IL23R: variants seen among roughly 807,000 people sequenced by gnomAD.
IL23R encodes the protein interleukin 23 receptor, also known as interleukin-23 receptor.
Under a neutral mutation model 56.9 loss-of-function variants are expected in IL23R, and 34 were observed. The observed-to-expected ratio is 0.60, with a 90% CI of 0.45 to 0.80. IL23R has a LOEUF of 0.80. IL23R is among the 30% of genes least tolerant of loss of function. The probability of loss-of-function intolerance (pLI) is 0.00; values close to 1 mark genes in which losing one functional copy is unlikely to be tolerated. For missense variants in IL23R, 635 were observed against 730.0 expected (o/e 0.87, Z 1.50); for synonymous variants, 230 against 249.2 (o/e 0.92, Z 0.73).
At chr1:67,173,485 C>T (rs1005050416) in intron 3 of IL23R, among the ~76,000 whole-genome samples, 18 of 152,258 alleles carry the variant, frequency 1.2e-4, no homozygotes, top group African/African-American at 3.8e-4. Flanking sequence ...GGGACCACAA[C>T]TCAAACTCCA....
At chr1:67,237,395 C>G (rs1651553722) in intron 8 of IL23R, among the ~76,000 whole-genome samples, 1 of 152,178 alleles carries the variant, frequency 6.6e-6, no homozygotes. Context: ...TCTTTCAAAA[C>G]AAATTACTTA....
At chr1:67,239,295 G>C (rs1371342329) in intron 8 of IL23R, among the ~76,000 whole-genome samples, 1 of 152,120 alleles carries the variant, frequency 6.6e-6, no homozygotes, top group Non-Finnish European at 1.5e-5. Context: ...ACACAGTCTG[G>C]CTCTGTCGCC....
intron 3 of IL23R, among the ~76,000 whole-genome samples, chr1:67,180,989 G>A (rs1370135750): frequency 2.6e-5 from 4 of 152,168 alleles, no homozygotes; most frequent in South Asian, 2.1e-4. Flanking sequence ...TGAGAGATCC[G>A]CTGTTAGTCT....
intron 3 of IL23R, among the ~76,000 whole-genome samples, chr1:67,174,911 T>A (rs1161847702): frequency 6.6e-6 from 1 of 152,136 alleles, no homozygotes; most frequent in African/African-American, 2.4e-5. Flanking sequence ...ACCAGCAACT[T>A]ACAGCTCACA....
intron 4 of IL23R, among the ~76,000 whole-genome samples, chr1:67,190,271 A>G (rs6688383): frequency 0.3 from 44,917 of 152,034 alleles, 6,999 homozygotes; most frequent in Admixed American, 0.43. Context: ...AGGCCTCCTC[A>G]TGTTGGGGTG....
chr1:67,164,579 C>T (rs569316977), upstream of IL23R, among the ~76,000 whole-genome samples: 1 of 151,890 alleles, frequency 6.6e-6, no homozygotes, highest in Non-Finnish European at 1.5e-5. Context: ...TTGCAGTGAG[C>T]CGAGATTGTG....
At chr1:67,186,892 A>T (rs1263928294) in intron 4 of IL23R, among the ~76,000 whole-genome samples, 1 of 152,202 alleles carries the variant, frequency 6.6e-6, no homozygotes, top group Admixed American at 6.5e-5. Flanking sequence ...AAGTGCTAGG[A>T]TTACAGGCAT....
chr1:67,151,174 G>T (rs796753565), intron 1 of IL23R, among the ~76,000 whole-genome samples: 6 of 152,326 alleles, frequency 3.9e-5, no homozygotes, highest in African/African-American at 1.4e-4. Context: ...GTAACTCATT[G>T]TGGTTTTGAT....
At chr1:67,196,707 A>AC (rs1235263816) in intron 4 of IL23R, among the ~76,000 whole-genome samples, 1 of 152,236 alleles carries the variant, frequency 6.6e-6, no homozygotes, top group Non-Finnish European at 1.5e-5. Context: ...GGTAACAAAG[A>AC]CCTAGACCAT....
intron 4 of IL23R, among the ~76,000 whole-genome samples, chr1:67,186,728 C>T (rs1647364358): frequency 6.6e-6 from 1 of 152,098 alleles, no homozygotes. Context: ...AAGTGATTCT[C>T]CTGTCTCAGC....
At chr1:67,146,975 G>A (rs1055450527) in intron 1 of IL23R, among the ~76,000 whole-genome samples, 1 of 152,156 alleles carries the variant, frequency 6.6e-6, no homozygotes, top group African/African-American at 2.4e-5. Flanking sequence ...GTCAATCATA[G>A]AACTTCAGTT....
At chr1:67,186,684 T>C (rs1647360734) in intron 4 of IL23R, among the ~76,000 whole-genome samples, 1 of 151,806 alleles carries the variant, frequency 6.6e-6, no homozygotes, top group African/African-American at 2.4e-5. Context: ...AATGGTGTGA[T>C]CTCGGCTCAC....
intron 9 of IL23R, among the ~76,000 whole-genome samples, chr1:67,250,335 C>A (rs1652529225): frequency 6.6e-6 from 1 of 152,128 alleles, no homozygotes. Context: ...TTTTAAGCAA[C>A]CAGTTATTTT....
chr1:67,151,228 T>TG (rs1646726039), intron 1 of IL23R, among the ~76,000 whole-genome samples: 1 of 152,246 alleles, frequency 6.6e-6, no homozygotes, highest in African/African-American at 2.4e-5. Flanking sequence ...TTTTTTCATG[T>TG]TTGTTGGCTG....
intron 6 of IL23R, among the ~76,000 whole-genome samples, chr1:67,211,624 A>AG (rs922185274): frequency 6.7e-6 from 1 of 148,694 alleles, no homozygotes; most frequent in African/African-American, 2.5e-5. Context: ...CTGTCTCCAG[A>AG]GGAAAAAAAA....
At chr1:67,228,031 TTTTCTTTCTTTCTCTTTC>T (rs1650800286) in intron 7 of IL23R, among the ~76,000 whole-genome samples, 1 of 61,928 alleles carries the variant, frequency 1.6e-5, no homozygotes, top group African/African-American at 6.9e-5. Context: ...CCTTTCTTTC[TTTTCTTTCTTTCTCTTTC>T]TTTCTTTCTT....
At chr1:67,260,755 G>A (rs1162752288), downstream of IL23R, among the ~76,000 whole-genome samples, 1 of 152,044 alleles carries the variant, frequency 6.6e-6, no homozygotes, top group African/African-American at 2.4e-5. Context: ...GGTAGAGTAG[G>A]GCATGTAAAT....
chr1:67,156,994 G>A (rs1318815801), intron 1 of IL23R, among the ~76,000 whole-genome samples: 2 of 152,178 alleles, frequency 1.3e-5, no homozygotes, highest in Non-Finnish European at 2.9e-5. Flanking sequence ...TGGGAAAAGT[G>A]TAGTACCCCG....
At chr1:67,170,140 C>T (rs1333214919) in intron 3 of IL23R, among the ~76,000 whole-genome samples, 1 of 152,124 alleles carries the variant, frequency 6.6e-6, no homozygotes, top group African/African-American at 2.4e-5. Context: ...GTTTTGTGCT[C>T]CCACTGTACT....
Sources: gnomAD v4.1 joint callset for allele counts (sites outside exome capture counted in the v4.1 genomes callset) on GRCh38, gnomAD v4.1.1 for gene constraint, MANE v1.5 for transcripts, NCBI Gene and HGNC (gene_info 2026-07-23, HGNC 2026-07-21) for gene names.